SIPA1L2: variants seen among roughly 807,000 people sequenced by gnomAD.
SIPA1L2 encodes signal induced proliferation associated 1 like 2, also known as signal-induced proliferation-associated 1-like protein 2.
Under a neutral mutation model 163.9 loss-of-function variants are expected in SIPA1L2, and 56 were observed. That is an observed-to-expected ratio of 0.34 (90% CI 0.28 to 0.43). The LOEUF (loss-of-function observed/expected upper bound fraction) is 0.43. SIPA1L2 is among the 20% of genes least tolerant of loss of function. The pLI, the probability that SIPA1L2 is intolerant of heterozygous loss-of-function variation, is 1.00. For synonymous variants in SIPA1L2, 877 were observed against 865.7 expected (o/e 1.01, Z -0.23); for missense variants, 1,974 against 2,193.5 (o/e 0.90, Z 2.00).
chr1:232,502,271 C>CA (rs558590529), intron 3 of SIPA1L2, among the ~76,000 whole-genome samples: 215 of 151,348 alleles, frequency 1.4e-3, no homozygotes, highest in African/African-American at 4.7e-3. Context: ...ATGTTACTGG[C>CA]AAAAAAAAGA....
chr1:232,589,512 T>G (rs1284179000), intron 1 of SIPA1L2, among the ~76,000 whole-genome samples: 1 of 152,256 alleles, frequency 6.6e-6, no homozygotes, highest in Non-Finnish European at 1.5e-5. Flanking sequence ...GCAGAAATTC[T>G]TTTTTCCAAT....
At position 232,483,773 on chromosome 1, in the gene SIPA1L2, A is replaced by C. The variant is rs765659622; in HGVS notation, c.1981+19T>G. ...TTTGGAGAATTAAAAATGTGCACAC[A>C]CACAAACATTAAACTTACTCTTATT... is the stretch of plus-strand genomic sequence containing the variant. On this transcript the variant is annotated intron_variant, in intron 6 of 22. Transcript: ENST00000674635. 5 of 1,613,438 alleles carry C rather than the reference A, an allele frequency of 3.1e-6. No homozygotes were observed. In the South Asian group the frequency reaches 5.5e-5, roughly 18 times the overall value.
At chr1:232,540,931 T>C (rs1256031732) in intron 2 of SIPA1L2, among the ~76,000 whole-genome samples, 2 of 152,198 alleles carry the variant, frequency 1.3e-5, no homozygotes, top group Admixed American at 6.5e-5. Flanking sequence ...AGGAAGAAGA[T>C]CATGTCTTTT....
intron 3 of SIPA1L2, among the ~76,000 whole-genome samples, chr1:232,503,652 T>C (rs1445731895): frequency 1.3e-5 from 2 of 152,242 alleles, no homozygotes; most frequent in African/African-American, 2.4e-5. Context: ...CAGCAGAAGC[T>C]AGCTTGCTAT....
At chr1:232,498,309 ATCTTGGAGGCTGCAGCAGGCATTTC>A (rs1205065284) in intron 3 of SIPA1L2, among the ~76,000 whole-genome samples, 1 of 152,230 alleles carries the variant, frequency 6.6e-6, no homozygotes, top group African/African-American at 2.4e-5. Flanking sequence ...AGTGTGAAGC[ATCTTGGAGGCTGCAGCAGGCATTTC>A]TCTCAGTGAC....
At chr1:232,418,828 A>G (rs764930655) in intron 18 of SIPA1L2, among the ~76,000 whole-genome samples, 29 of 152,184 alleles carry the variant, frequency 1.9e-4, no homozygotes, top group Non-Finnish European at 3.7e-4. Context: ...CTGGCAAAGA[A>G]GGTTAGCACA....
intron 5 of SIPA1L2, among the ~76,000 whole-genome samples, chr1:232,486,307 C>T (rs1431609295): frequency 6.6e-6 from 1 of 152,196 alleles, no homozygotes; most frequent in Non-Finnish European, 1.5e-5. Context: ...AACAACTGGA[C>T]AACTGAAATT....
intron 19 of SIPA1L2, among the ~76,000 whole-genome samples, chr1:232,414,227 T>A (rs1182057224): frequency 6.6e-6 from 1 of 152,186 alleles, no homozygotes; most frequent in African/African-American, 2.4e-5. Context: ...AGAAGCTTCC[T>A]CCTAGCAAGC....
chr1:232,410,991 C>T (rs996029183), intron 19 of SIPA1L2, among the ~76,000 whole-genome samples: 3 of 152,068 alleles, frequency 2.0e-5, no homozygotes, highest in African/African-American at 7.2e-5. Flanking sequence ...TCATCTTATA[C>T]CATTAAAGAC....
chr1:232,425,457 C>T (rs1306894251), intron 18 of SIPA1L2, 132 bp downstream of exon 18: 6 of 649,592 alleles, frequency 9.2e-6, no homozygotes, highest in Non-Finnish European at 1.4e-5. Flanking sequence ...ATTTAAAACA[C>T]CAAATAATAT....
rs192239234 is a variant in SIPA1L2 at position 232,543,305 on chromosome 1, T to C, written c.-269-27697A>G. Among the ~76,000 whole-genome samples the C allele has an allele frequency of 5.7e-4, 87 of 152,350 alleles. 1 individual carries two copies. The highest frequency in any genetic ancestry group is 2.6e-4 in the Non-Finnish European group (18 of 68,028). Reference sequence around the variant, plus strand: ...TTTTGTCATGATTCAAATGAATCAATACAGCTGGCCCTTGAACACGGGTTT... The same window carrying C: ...TTTTGTCATGATTCAAATGAATCAACACAGCTGGCCCTTGAACACGGGTTT... On this transcript the variant is annotated intron_variant, in intron 2 of 22. Coordinates refer to ENST00000674635, the MANE Select transcript of SIPA1L2 (RefSeq NM_020808.5).
At chr1:232,457,916 C>T (rs908316782) in intron 10 of SIPA1L2, among the ~76,000 whole-genome samples, 1 of 152,142 alleles carries the variant, frequency 6.6e-6, no homozygotes, top group East Asian at 1.9e-4. Context: ...GGCACCCAGA[C>T]AGTTGCAGGC....
At chr1:232,609,826 T>C (rs1277742088) in intron 1 of SIPA1L2, among the ~76,000 whole-genome samples, 1 of 67,050 alleles carries the variant, frequency 1.5e-5, no homozygotes, top group African/African-American at 6.4e-5. Context: ...CGAGACTCCA[T>C]CTCAAAAAAA....
chr1:232,466,789 T>C (rs1298622282), intron 8 of SIPA1L2, among the ~76,000 whole-genome samples: 1 of 151,976 alleles, frequency 6.6e-6, no homozygotes, highest in Non-Finnish European at 1.5e-5. Context: ...AGACTCCGTC[T>C]CAAAAAAACA....
intron 10 of SIPA1L2, among the ~76,000 whole-genome samples, chr1:232,449,245 G>A (rs189529062): frequency 1.4e-3 from 211 of 151,794 alleles, no homozygotes; most frequent in Non-Finnish European, 2.4e-3. Context: ...CTGGCCGGGC[G>A]CGGTGGCTCA....
chr1:232,610,812 G>T (rs1276501578), intron 1 of SIPA1L2, among the ~76,000 whole-genome samples: 1 of 152,090 alleles, frequency 6.6e-6, no homozygotes, highest in Admixed American at 6.5e-5. Context: ...AATTAAATGG[G>T]GAGGAACACC....
At chr1:232,438,087 T>C (rs939271852) in intron 15 of SIPA1L2, among the ~76,000 whole-genome samples, 8 of 152,130 alleles carry the variant, frequency 5.3e-5, no homozygotes, top group Non-Finnish European at 1.0e-4. Flanking sequence ...GGTCCCTGAA[T>C]GACACTCAGT....
intron 19 of SIPA1L2, among the ~76,000 whole-genome samples, chr1:232,414,604 T>C (rs1175649484): frequency 2.7e-5 from 4 of 148,976 alleles, no homozygotes; most frequent in African/African-American, 7.4e-5. Context: ...ATGCTGTGAC[T>C]CAGTTACACC....
At chr1:232,488,519 A>T (rs1271437193) in intron 5 of SIPA1L2, among the ~76,000 whole-genome samples, 4 of 152,214 alleles carry the variant, frequency 2.6e-5, no homozygotes, top group African/African-American at 9.6e-5. Context: ...TGGGAATCTG[A>T]TACCATTAAG....
Sources: gnomAD v4.1 joint callset for allele counts (sites outside exome capture counted in the v4.1 genomes callset) on GRCh38, gnomAD v4.1.1 for gene constraint, MANE v1.5 for transcripts, NCBI Gene and HGNC (gene_info 2026-07-23, HGNC 2026-07-21) for gene names.